Variants in MTUS2 observed in about 807,000 individuals in gnomAD.
The protein encoded by MTUS2 is microtubule associated scaffold protein 2.
MTUS2 carries 40 observed loss-of-function variants against 114.1 expected under a neutral mutation model. The ratio of observed to expected loss-of-function variants is 0.35; its 90% CI spans 0.27 to 0.46. The LOEUF is 0.46. Among genes scored for constraint, MTUS2 ranks in the 20% least tolerant of loss-of-function variants. The pLI, the probability that MTUS2 is intolerant of heterozygous loss-of-function variation, is 1.00. For missense variants in MTUS2, 1,679 were observed against 1,705.4 expected (o/e 0.98, Z 0.27); for synonymous variants, 688 against 672.0 (o/e 1.02, Z -0.37).
In MTUS2 at chr13:28,851,594, C is replaced by T. The variant is rs75011722; in HGVS notation, c.-243+11744C>T. ...GAGGAAATATAGATGAGTATAGATCCGGTACTTCTGGTACCTGCTGACAAG... is the reference window on the plus strand; with the variant it reads ...GAGGAAATATAGATGAGTATAGATCTGGTACTTCTGGTACCTGCTGACAAG... On this transcript the variant is annotated intron_variant, in intron 2 of 15. Coordinates refer to ENST00000612955, the MANE Select transcript of MTUS2 (RefSeq NM_001033602.4). Among the ~76,000 whole-genome samples the T allele has an allele frequency of 1.1e-4, 16 of 152,290 alleles. No homozygotes were observed. The East Asian group carries it at 1.9e-3, about 18-fold the overall frequency.
At chr13:28,857,544 A>G (rs1876714313) in intron 2 of MTUS2, among the ~76,000 whole-genome samples, 1 of 152,206 alleles carries the variant, frequency 6.6e-6, no homozygotes, top group Non-Finnish European at 1.5e-5. Context: ...GCCTTTGGGG[A>G]AAAGGCAGAA....
intron 4 of MTUS2, among the ~76,000 whole-genome samples, chr13:29,052,087 A>C (rs747337527): frequency 2.0e-5 from 3 of 152,202 alleles, no homozygotes; most frequent in Non-Finnish European, 4.4e-5. Context: ...AAAAAAGTCT[A>C]TTAACTTCAC....
chr13:29,228,748 GA>G (rs1355934932), intron 5 of MTUS2, among the ~76,000 whole-genome samples: 1 of 150,882 alleles, frequency 6.6e-6, no homozygotes. Flanking sequence ...AGAGAAAGGA[GA>G]AGGGGGGGAA....
intron 2 of MTUS2, among the ~76,000 whole-genome samples, chr13:28,930,272 C>T (rs950040400): frequency 2.0e-5 from 3 of 152,198 alleles, no homozygotes; most frequent in African/African-American, 7.2e-5. Flanking sequence ...ATTGTTCAGG[C>T]ATAATTGGTC....
Position 29,025,913 on chromosome 13 carries a change from G to A in MTUS2, c.1215G>A (p.Gly405=). Reference sequence around the variant, plus strand: ...AACAGGGCTCTGCTTCCTTAGGAGGGGCTGATAATCAGCCCACTGGCAAAA... The same window carrying A: ...AACAGGGCTCTGCTTCCTTAGGAGGAGCTGATAATCAGCCCACTGGCAAAA... ...TPKQGSASLG[G]ADNQPTGKIS... is the part of the protein sequence containing the mutation. The change falls in exon 3 of 16, where the codon GGG becomes GGA. Residue 405 remains glycine, a synonymous_variant. Coordinates refer to ENST00000612955, the MANE Select transcript of MTUS2 (RefSeq NM_001033602.4). The A allele has an allele frequency of 1.2e-6, 2 of 1,613,754 alleles. No homozygotes were observed. The highest frequency in any genetic ancestry group is 1.7e-6 in the Non-Finnish European group (2 of 1,179,760).
At chr13:29,383,241 TGTGTGTGTGTG>T (rs1395156969) in intron 8 of MTUS2, among the ~76,000 whole-genome samples, 6 of 124,844 alleles carry the variant, frequency 4.8e-5, no homozygotes, top group African/African-American at 1.2e-4. Context: ...TGTGTGTGTG[TGTGTGTGTGTG>T]TATTTATTTT....
At chr13:28,960,052 G>A (rs1001383615) in intron 2 of MTUS2, among the ~76,000 whole-genome samples, 2 of 152,162 alleles carry the variant, frequency 1.3e-5, no homozygotes, top group Non-Finnish European at 2.9e-5. Flanking sequence ...AATAGATACC[G>A]ATATTGAGGT....
At chr13:29,345,750 T>C (rs1868610195) in intron 7 of MTUS2, among the ~76,000 whole-genome samples, 1 of 152,092 alleles carries the variant, frequency 6.6e-6, no homozygotes, top group Non-Finnish European at 1.5e-5. Context: ...ATTACTGGAA[T>C]TGTTTTTCTG....
At chr13:29,139,176 C>A (rs1892112015) in intron 5 of MTUS2, among the ~76,000 whole-genome samples, 1 of 152,106 alleles carries the variant, frequency 6.6e-6, no homozygotes, top group East Asian at 1.9e-4. Flanking sequence ...CACAGACAAC[C>A]CTAATGAGAG....
intron 6 of MTUS2, among the ~76,000 whole-genome samples, chr13:29,291,810 T>A (rs1007617307): frequency 8.0e-5 from 12 of 150,070 alleles, no homozygotes; most frequent in African/African-American, 2.9e-4. Flanking sequence ...AATTGAGTTG[T>A]CAAGGCAGGA....
At chr13:29,105,483 A>G (rs1890617159) in intron 5 of MTUS2, among the ~76,000 whole-genome samples, 1 of 152,188 alleles carries the variant, frequency 6.6e-6, no homozygotes, top group African/African-American at 2.4e-5. Context: ...GCTATCAAAG[A>G]AGTACATGAA....
chr13:28,926,348 G>A (rs1189526578), intron 2 of MTUS2, among the ~76,000 whole-genome samples: 4 of 152,110 alleles, frequency 2.6e-5, no homozygotes, highest in East Asian at 3.8e-4. Context: ...AGCTTTTCTG[G>A]TTGTTAAATG....
At chr13:29,178,920 G>C (rs1396758477) in intron 5 of MTUS2, among the ~76,000 whole-genome samples, 1 of 152,152 alleles carries the variant, frequency 6.6e-6, no homozygotes, top group Non-Finnish European at 1.5e-5. Flanking sequence ...TTTAAATGAA[G>C]TAGGGCTCAG....
chr13:29,209,160 C>A (rs1208597108), intron 5 of MTUS2, among the ~76,000 whole-genome samples: 7 of 151,992 alleles, frequency 4.6e-5, no homozygotes, highest in Admixed American at 3.3e-4. Context: ...TGGACTAGTC[C>A]TTTTATCATT....
intron 1 of MTUS2, among the ~76,000 whole-genome samples, chr13:28,831,412 A>G (rs1472093585): frequency 1.3e-5 from 2 of 152,258 alleles, no homozygotes; most frequent in Non-Finnish European, 2.9e-5. Context: ...CTCACTTTAT[A>G]TATGAAGACA....
chr13:28,959,470 G>A (rs1883222911), intron 2 of MTUS2, among the ~76,000 whole-genome samples: 1 of 152,146 alleles, frequency 6.6e-6, no homozygotes, highest in Non-Finnish European at 1.5e-5. Flanking sequence ...CTGTTTGCAT[G>A]GCTATAAACT....
chr13:29,476,025 G>A (rs1880676659), intron 9 of MTUS2, among the ~76,000 whole-genome samples: 1 of 152,182 alleles, frequency 6.6e-6, no homozygotes, highest in African/African-American at 2.4e-5. Flanking sequence ...CCCCGTGCAG[G>A]TGTACCGTTT....
At chr13:29,501,778 C>T (rs1593525363) in intron 15 of MTUS2, among the ~76,000 whole-genome samples, 1 of 152,224 alleles carries the variant, frequency 6.6e-6, no homozygotes, top group East Asian at 1.9e-4. Flanking sequence ...AATGCTCACC[C>T]ATGGTGTGTT....
intron 1 of MTUS2, among the ~76,000 whole-genome samples, chr13:28,824,180 C>T (rs1593223129): frequency 2.6e-5 from 4 of 152,132 alleles, no homozygotes; most frequent in South Asian, 2.1e-4. Flanking sequence ...ATCTTTTGTT[C>T]TAGCCCACAC....
Sources: allele counts gnomAD v4.1 joint callset (sites outside exome capture counted in the v4.1 genomes callset), GRCh38; gene constraint gnomAD v4.1.1; transcripts MANE v1.5; gene names NCBI Gene and HGNC (gene_info 2026-07-23, HGNC 2026-07-21).